INTS4: variants seen among roughly 807,000 people sequenced by gnomAD.
INTS4 encodes the protein integrator complex subunit 4, also known as MSTP093.
In INTS4, 70 loss-of-function variants were observed where a neutral mutation model predicts 119.5. The ratio of observed to expected loss-of-function variants is 0.59; its 90% confidence interval spans 0.48 to 0.71. The LOEUF (loss-of-function observed/expected upper bound fraction) is 0.71, where lower values mean the gene tolerates loss of function less well. Ranked by LOEUF, INTS4 falls within the 30% of genes least tolerant of loss-of-function variation. The pLI is 0.00. For synonymous variants in INTS4, 316 were observed against 419.6 expected, an observed-to-expected ratio of 0.75 and a Z score of 3.02; for missense variants, 867 against 1,173.2, an observed-to-expected ratio of 0.74 and a Z score of 3.81.
intron 4 of INTS4, among the ~76,000 whole-genome samples, chr11:77,962,738 G>T (rs899270402): frequency 4.6e-5 from 7 of 151,704 alleles, no homozygotes; most frequent in Non-Finnish European, 1.0e-4. Context: ...TACGTCTCAT[G>T]AAATTGGTCA....
downstream of INTS4, among the ~76,000 whole-genome samples, chr11:77,876,462 C>G (rs1951598188): frequency 6.7e-6 from 1 of 149,880 alleles, no homozygotes; most frequent in South Asian, 2.1e-4. Flanking sequence ...AACTAAAATT[C>G]TCATGTTCCC....
intron 10 of INTS4, among the ~76,000 whole-genome samples, chr11:77,930,009 C>T (rs764488368): frequency 5.3e-5 from 8 of 152,122 alleles, no homozygotes; most frequent in African/African-American, 9.7e-5. Context: ...GCCACTGATC[C>T]GAGGAAGCCC....
intron 4 of INTS4, 143 bp from the exon 5 acceptor site, chr11:77,961,281 G>C (rs1046389552): frequency 8.8e-7 from 1 of 1,135,384 alleles, no homozygotes; most frequent in Non-Finnish European, 1.2e-6. Flanking sequence ...TCTTAGGACA[G>C]TCTGTCTAGC....
chr11:77,970,380 CAG>C (rs1855677079), intron 4 of INTS4, among the ~76,000 whole-genome samples: 1 of 151,844 alleles, frequency 6.6e-6, no homozygotes, highest in African/African-American at 2.4e-5. Flanking sequence ...GCTTGGGTGA[CAG>C]AGTGACTCCA....
intron 12 of INTS4, among the ~76,000 whole-genome samples, chr11:77,923,766 GTTT>G (rs201749638): frequency 1.5e-5 from 2 of 136,262 alleles, no homozygotes. Flanking sequence ...ATTGTTTATG[GTTT>G]TTTTTTTTTT....
chr11:77,904,542 A>G (rs1952882041), intron 16 of INTS4, among the ~76,000 whole-genome samples: 1 of 152,262 alleles, frequency 6.6e-6, no homozygotes, highest in South Asian at 2.1e-4. Flanking sequence ...TTAATAACAC[A>G]TCTCAGTTTG....
chr11:77,917,059 GC>G (rs1953219958), intron 15 of INTS4, among the ~76,000 whole-genome samples: 1 of 152,152 alleles, frequency 6.6e-6, no homozygotes, highest in Admixed American at 6.5e-5. Context: ...GGACAGGAAA[GC>G]ATGAACAAAG....
At chr11:77,884,772 TAAAA>T in intron 21 of INTS4, 1 of 399,932 alleles carries the variant, frequency 2.5e-6, no homozygotes, top group Admixed American at 2.6e-5. Context: ...TTTTTTTCTT[TAAAA>T]CAGGGTCTTA....
At chr11:77,887,460 A>G (rs935256060) in intron 21 of INTS4, among the ~76,000 whole-genome samples, 8 of 152,236 alleles carry the variant, frequency 5.3e-5, no homozygotes, top group African/African-American at 1.7e-4. Flanking sequence ...CCCACAGCCA[A>G]TATCATACTG....
intron 15 of INTS4, among the ~76,000 whole-genome samples, chr11:77,913,392 A>G (rs1340848943): frequency 6.7e-6 from 1 of 150,210 alleles, no homozygotes; most frequent in Admixed American, 6.7e-5. Context: ...GCTCAGCACA[A>G]GTTCTGCCTC....
chr11:77,894,925 A>AT, intron 18 of INTS4, among the ~76,000 whole-genome samples: 1 of 152,238 alleles, frequency 6.6e-6, no homozygotes. Context: ...CTCAGAGATC[A>AT]TTTTTTCCAT....
chr11:77,881,956 G>C (rs1416343581), intron 22 of INTS4, among the ~76,000 whole-genome samples: 2 of 151,464 alleles, frequency 1.3e-5, no homozygotes, highest in Non-Finnish European at 2.9e-5. Context: ...CTGTTACCCA[G>C]GCTGGAGTGT....
intron 10 of INTS4, among the ~76,000 whole-genome samples, chr11:77,935,428 C>T (rs1953763549): frequency 2.0e-5 from 3 of 152,140 alleles, no homozygotes; most frequent in Non-Finnish European, 4.4e-5. Flanking sequence ...AAGGAGAGAA[C>T]TACACAGAGA....
chr11:77,984,213 C>G (rs1352652226), intron 2 of INTS4, among the ~76,000 whole-genome samples: 1 of 152,080 alleles, frequency 6.6e-6, no homozygotes, highest in African/African-American at 2.4e-5. Context: ...TAGAATGAGA[C>G]CGGGCACAGT....
At chr11:77,894,988 C>T (rs948954780) in intron 18 of INTS4, among the ~76,000 whole-genome samples, 21 of 152,152 alleles carry the variant, frequency 1.4e-4, no homozygotes, top group Non-Finnish European at 2.2e-4. Context: ...AAGAAACATA[C>T]CTAAAAAGTT....
At chr11:77,877,198 T>G, downstream of INTS4, 2 of 569,960 alleles carry the variant, frequency 3.5e-6, no homozygotes, top group Non-Finnish European at 3.1e-6. Flanking sequence ...ACAGGTTACT[T>G]ATTTCTCTCA....
At chr11:77,947,351 T>TACATTATA (rs1332782364) in intron 8 of INTS4, among the ~76,000 whole-genome samples, 1 of 152,154 alleles carries the variant, frequency 6.6e-6, no homozygotes, top group Non-Finnish European at 1.5e-5. Flanking sequence ...CTCTCCAAGG[T>TACATTATA]ACATTATAAT....
intron 1 of INTS4, among the ~76,000 whole-genome samples, chr11:77,994,211 G>T (rs750036152): frequency 6.6e-6 from 1 of 152,016 alleles, no homozygotes; most frequent in African/African-American, 2.4e-5. Flanking sequence ...AGGCTAGAAG[G>T]GGCTCTGCTG....
intron 8 of INTS4, among the ~76,000 whole-genome samples, chr11:77,949,300 T>C (rs906562079): frequency 8.6e-5 from 13 of 151,990 alleles, no homozygotes; most frequent in East Asian, 1.9e-4. Flanking sequence ...ATTCAGGACA[T>C]AGGCATGGGC....
Sources: allele counts gnomAD v4.1 joint callset (sites outside exome capture counted in the v4.1 genomes callset), GRCh38; gene constraint gnomAD v4.1.1; transcripts MANE v1.5; gene names NCBI Gene and HGNC (gene_info 2026-07-23, HGNC 2026-07-21).